The following PAK3 variants were observed in gnomAD, a reference collection of about 807,000 sequenced individuals.
PAK3 encodes the protein serine/threonine-protein kinase PAK 3.
A neutral mutation model predicts 41.0 loss-of-function variants in PAK3; 4 were observed. That is an observed-to-expected ratio of 0.10 (90% CI 0.05 to 0.22). The LOEUF is 0.22. PAK3 is among the 10% of genes least tolerant of loss of function. The probability of loss-of-function intolerance (pLI) is 1.00; values close to 1 mark genes in which losing one functional copy is unlikely to be tolerated. For missense variants in PAK3, 205 were observed against 409.9 expected, an observed-to-expected ratio of 0.50 and a Z score of 4.32; for synonymous variants, 146 against 139.6, an observed-to-expected ratio of 1.05 and a Z score of -0.32.
chrX:111,198,251 A>G (rs1398210476), intron 16 of PAK3, among the ~76,000 whole-genome samples: 3 of 112,060 alleles, frequency 2.7e-5, no homozygotes, highest in Non-Finnish European at 5.6e-5. Flanking sequence ...ATAGTTTGCA[A>G]ATATTTTCTC....
At chrX:111,192,256 T>TAAAAAA in intron 12 of PAK3, 81 bp downstream of exon 12, 1 of 561,668 alleles carries the variant, frequency 1.8e-6, no homozygotes. Flanking sequence ...CAACTTCGCC[T>TAAAAAA]AAAAAAAAAA....
chrX:111,149,298 C>T lies in PAK3; in HGVS notation c.430+1408C>T, dbSNP rs759704971. Among the ~76,000 whole-genome samples the T allele has an allele frequency of 8.1e-5, 9 of 111,789 alleles. No individual in the cohort carries two copies. In the East Asian group the frequency reaches 1.1e-3, roughly 14 times the overall value. ...TTCACAGGCTGCTGTTGAGTGTCTGCGGCTTTTCCATGTGCAAAGTGCAAG... is the reference window on the plus strand; with the variant it reads ...TTCACAGGCTGCTGTTGAGTGTCTGTGGCTTTTCCATGTGCAAAGTGCAAG... On this transcript the variant is annotated intron_variant, in intron 7 of 17. Transcript: ENST00000372007.
chrX:111,098,462 T>C (rs918894805), intron 3 of PAK3: 2 of 111,097 alleles, frequency 1.8e-5, no homozygotes, highest in Non-Finnish European at 3.8e-5. Context: ...TCTGGTGAGA[T>C]AGGCAACTCT....
chrX:111,182,491 G>A (rs1339554574), intron 11 of PAK3, among the ~76,000 whole-genome samples: 1 of 111,344 alleles, frequency 9.0e-6, no homozygotes, highest in Non-Finnish European at 1.9e-5. Context: ...GAGCAGTACT[G>A]AGATAACATG....
chrX:111,083,264 C>A (rs894272816), intron 1 of PAK3, among the ~76,000 whole-genome samples: 1 of 112,053 alleles, frequency 8.9e-6, no homozygotes, highest in African/African-American at 3.2e-5. Context: ...CACAGAAAGT[C>A]TTTTTCTTCA....
At chrX:110,956,600 C>G (rs1371539038) in intron 1 of PAK3, among the ~76,000 whole-genome samples, 1 of 111,768 alleles carries the variant, frequency 8.9e-6, no homozygotes, top group African/African-American at 3.3e-5. Context: ...ACAGCTGATT[C>G]CTTGACCTCG....
At chrX:110,997,731 A>G in intron 1 of PAK3, among the ~76,000 whole-genome samples, 2 of 111,517 alleles carry the variant, frequency 1.8e-5, no homozygotes, top group Non-Finnish European at 3.8e-5. Context: ...TTCTCCCCAA[A>G]ATTTCTATGT....
chrX:110,954,125 C>T (rs1158955032), intron 1 of PAK3, among the ~76,000 whole-genome samples: 2 of 111,549 alleles, frequency 1.8e-5, no homozygotes, highest in Non-Finnish European at 3.8e-5. Flanking sequence ...CTTCTAAATG[C>T]CAAAAAGAAA....
rs761542913 is a variant in PAK3, at chrX:111,163,674, A to G, written c.713A>G (p.Asp238Gly). 8.3e-7 allele frequency: 1 copy of G among 1,202,830 alleles called. No individual in the cohort carries two copies. The highest frequency in any genetic ancestry group is 1.8e-5 in the South Asian group (1 of 56,633). The change falls in exon 10 of 18, where the codon GAT becomes GGT. Residue 238 changes from aspartate to glycine, a missense_variant. Around this residue, in one of 5 missense-constraint regions of PAK3, gnomAD observed 75 missense variants for 91.9 expected, o/e 0.82. Transcript: ENST00000372007. Reference protein sequence around the residue: ...ANSSTLYRNTDRQRKKSKMTD... With the variant: ...ANSSTLYRNTGRQRKKSKMTD... ...TCCAGTACTTTGTACAGGAACACAG[A>G]TCGGCAAAGAAAAAAATCCAAGATG...
intron 1 of PAK3, among the ~76,000 whole-genome samples, chrX:111,032,110 C>A (rs2092346767): frequency 8.9e-6 from 1 of 111,929 alleles, no homozygotes; most frequent in African/African-American, 3.2e-5. Flanking sequence ...TTTAAAGACA[C>A]TGTTTTGAGA....
At chrX:111,126,197 A>G (rs1019647916) in intron 5 of PAK3, among the ~76,000 whole-genome samples, 1 of 111,919 alleles carries the variant, frequency 8.9e-6, no homozygotes, top group African/African-American at 3.2e-5. Context: ...CAGGATCTAA[A>G]TGGAAACTGT....
intron 8 of PAK3, among the ~76,000 whole-genome samples, chrX:111,153,044 G>A (rs1183958708): frequency 1.8e-5 from 2 of 111,614 alleles, no homozygotes; most frequent in Admixed American, 9.5e-5. Flanking sequence ...TTTTTATGTG[G>A]ACAATGTTTC....
intron 11 of PAK3, among the ~76,000 whole-genome samples, chrX:111,181,613 T>C (rs1044046743): frequency 8.9e-6 from 1 of 111,817 alleles, no homozygotes; most frequent in East Asian, 2.8e-4. Flanking sequence ...AAGTCTCATA[T>C]TGAAGATGAA....
At chrX:110,957,658 A>G (rs2090891828) in intron 1 of PAK3, among the ~76,000 whole-genome samples, 1 of 111,324 alleles carries the variant, frequency 9.0e-6, no homozygotes, top group Non-Finnish European at 1.9e-5. Context: ...GGGTTGTTTT[A>G]GGGATATCTG....
chrX:111,134,566 T>A (rs1027347291), intron 5 of PAK3, among the ~76,000 whole-genome samples: 2 of 111,789 alleles, frequency 1.8e-5, no homozygotes, highest in African/African-American at 6.5e-5. Context: ...AAAGTCCCAG[T>A]CCCTGGCCTT....
At chrX:111,000,247 C>T (rs190171433) in intron 1 of PAK3, among the ~76,000 whole-genome samples, 1 of 111,945 alleles carries the variant, frequency 8.9e-6, no homozygotes, top group Non-Finnish European at 1.9e-5. Flanking sequence ...TTCACAAGTA[C>T]TGAGTGCCTA....
intron 1 of PAK3, among the ~76,000 whole-genome samples, chrX:111,056,876 G>A (rs2092609235): frequency 9.0e-6 from 1 of 111,431 alleles, no homozygotes; most frequent in African/African-American, 3.3e-5. Context: ...TACTAAGAAT[G>A]GAAATTTCTG....
In PAK3 at chrX:111,056,940, C is replaced by T. The variant is rs187727099; in HGVS notation, c.-27-66137C>T. On this transcript the variant is annotated intron_variant, in intron 1 of 14. Transcript: ENST00000425146. ...ACTTTAATAGATACTGCAAATTGTA[C>T]TCTCAAGTGGCTTTCTGTATTTACA... 4.5e-4 allele frequency among the ~76,000 whole-genome samples: 50 copies of T among 111,793 alleles called. 1 individual carries two copies. The highest frequency in any genetic ancestry group is 1.6e-3 in the African/African-American group (50 of 30,819).
chrX:111,086,061 T>TG (rs2092879067), intron 1 of PAK3, among the ~76,000 whole-genome samples: 3 of 81,754 alleles, frequency 3.7e-5, no homozygotes, highest in Non-Finnish European at 7.1e-5. Flanking sequence ...TGATGTCAGC[T>TG]TGTGTGTGTG....
Sources: gnomAD v4.1 joint callset for allele counts (sites outside exome capture counted in the v4.1 genomes callset) on GRCh38, gnomAD v4.1.1 for gene constraint, gnomAD v4.1.1 regional missense constraint, MANE v1.5 for transcripts, NCBI Gene and HGNC (gene_info 2026-07-23, HGNC 2026-07-21) for gene names.